Variants in MS4A8 observed in about 807,000 individuals in gnomAD.
The protein encoded by MS4A8 is membrane spanning 4-domains A8, also known as membrane-spanning 4-domains subfamily A member 8.
MS4A8 carries 27 observed loss-of-function variants against 23.7 expected under a neutral mutation model. The ratio of observed to expected loss-of-function variants is 1.14; its 90% confidence interval spans 0.84 to 1.57. The LOEUF (loss-of-function observed/expected upper bound fraction) is 1.57. MS4A8 is among the 40% of genes most tolerant of loss of function. MS4A8 has a pLI of 0.00. For synonymous variants in MS4A8, 138 were observed against 126.3 expected (o/e 1.09, Z -0.62); for missense variants, 301 against 311.4 (o/e 0.97, Z 0.25).
At chr11:60,709,432 T>G (rs1402188543) in intron 5 of MS4A8, among the ~76,000 whole-genome samples, 1 of 152,240 alleles carries the variant, frequency 6.6e-6, no homozygotes, top group South Asian at 2.1e-4. Context: ...ATTTTAATAA[T>G]CTATTTTATT....
intron 4 of MS4A8, among the ~76,000 whole-genome samples, chr11:60,707,812 C>CTTTTTTTTTTTTT (rs5792195): frequency 9.1e-4 from 50 of 55,168 alleles, no homozygotes; most frequent in Non-Finnish European, 9.6e-4. Flanking sequence ...TTTTCTTTTT[C>CTTTTTTTTTTTTT]TTTTTTTTTT....
intron 6 of MS4A8, 68 bp from the exon 7 acceptor site, chr11:60,715,242 G>C (rs1016414599): frequency 2.6e-6 from 4 of 1,512,896 alleles, no homozygotes; most frequent in Non-Finnish European, 3.7e-6. Flanking sequence ...GTAGTTCCTC[G>C]GTGTCCGAGG....
chr11:60,713,505 C>G (rs1252295334), intron 5 of MS4A8, among the ~76,000 whole-genome samples: 1 of 152,174 alleles, frequency 6.6e-6, no homozygotes, highest in African/African-American at 2.4e-5. Flanking sequence ...ATAAACATCT[C>G]AATGCCTTAA....
At chr11:60,713,205 T>C (rs2088314104) in intron 5 of MS4A8, among the ~76,000 whole-genome samples, 1 of 152,098 alleles carries the variant, frequency 6.6e-6, no homozygotes. Flanking sequence ...GGGTTGCCCC[T>C]TCACACCTGT....
chr11:60,706,949 C>A (rs773841110), intron 3 of MS4A8, 39 bp from the exon 4 acceptor site: 1 of 1,588,950 alleles, frequency 6.3e-7, no homozygotes, highest in Non-Finnish European at 8.6e-7. Context: ...GGCACCCTAG[C>A]CCCTGACCTC....
chr11:60,707,161 A>G, intron 4 of MS4A8, 114 bp downstream of exon 4: 2 of 968,172 alleles, frequency 2.1e-6, no homozygotes, highest in East Asian at 2.4e-5. Flanking sequence ...TACTATAACC[A>G]GACACACGGT....
intron 5 of MS4A8, 75 bp from the exon 6 acceptor site, chr11:60,714,946 G>A (rs2088330041): frequency 1.9e-6 from 2 of 1,026,602 alleles, no homozygotes; most frequent in Non-Finnish European, 3.1e-6. Flanking sequence ...AAGAGTCCAT[G>A]GCAGGGCCCC....
chr11:60,704,812 C>CCACACA (rs759471971), intron 3 of MS4A8, among the ~76,000 whole-genome samples: 2 of 139,036 alleles, frequency 1.4e-5, no homozygotes, highest in African/African-American at 5.7e-5. Flanking sequence ...GTCCCCCTGC[C>CCACACA]CACACACACA....
At chr11:60,714,767 C>T (rs76278249) in intron 5 of MS4A8, among the ~76,000 whole-genome samples, 6,975 of 152,196 alleles carry the variant, frequency 0.046, 505 homozygotes, top group African/African-American at 0.16. Flanking sequence ...CCAAAGCAAC[C>T]TATCAAGGGG....
At chr11:60,706,040 T>C (rs112671101) in intron 3 of MS4A8, among the ~76,000 whole-genome samples, 6,043 of 152,278 alleles carry the variant, frequency 0.04, 356 homozygotes, top group African/African-American at 0.14. Flanking sequence ...AGTCGGTACG[T>C]GGCTTCTTTT....
At position 60,715,804 on chromosome 11, in the gene MS4A8, G is replaced by A; in HGVS notation, c.*390G>A. On this transcript the variant is annotated 3_prime_UTR_variant, in exon 7 of 7. Coordinates refer to ENST00000300226, the MANE Select transcript of MS4A8 (RefSeq NM_031457.2). ...CATTCATTTAATAAATAGATACTGA[G>A]CATTCAATGTGTTCAAGGCTCTCTT... is the stretch of plus-strand genomic sequence containing the variant. 4.0e-6 allele frequency: 1 copy of A among 252,606 alleles called. No individual in the cohort carries two copies. Among genetic ancestry groups the A allele is most frequent in the Non-Finnish European group, 7.7e-6 (1 of 129,704 alleles). 15.6% of individuals were successfully genotyped at this position (252,606 alleles called of 1,614,324 possible).
At chr11:60,702,124 C>A (rs954187320) in intron 2 of MS4A8, among the ~76,000 whole-genome samples, 1 of 152,090 alleles carries the variant, frequency 6.6e-6, no homozygotes, top group Non-Finnish European at 1.5e-5. Context: ...CCCAGTGTAC[C>A]CATCGTAAAT....
chr11:60,715,273 C>G (rs1338260450), intron 6 of MS4A8, 37 bp from the exon 7 acceptor site: 7 of 1,587,446 alleles, frequency 4.4e-6, no homozygotes, highest in Non-Finnish European at 6.1e-6. Flanking sequence ...ATGGCCCGTC[C>G]TTCTTAGCAT....
At chr11:60,702,659 A>G (rs533314924) in intron 2 of MS4A8, among the ~76,000 whole-genome samples, 6 of 152,306 alleles carry the variant, frequency 3.9e-5, no homozygotes, top group African/African-American at 1.4e-4. Flanking sequence ...TCAGCTTCCC[A>G]AAGTGCTGAG....
At chr11:60,708,403 T>C (rs753826238) in intron 4 of MS4A8, among the ~76,000 whole-genome samples, 1 of 152,184 alleles carries the variant, frequency 6.6e-6, no homozygotes, top group Admixed American at 6.5e-5. Context: ...GGGATTCACA[T>C]TAAGAAACAC....
intron 3 of MS4A8, among the ~76,000 whole-genome samples, chr11:60,706,785 C>T (rs140475906): frequency 1.2e-4 from 19 of 152,248 alleles, no homozygotes; most frequent in African/African-American, 4.6e-4. Context: ...AATTTAAAAC[C>T]AGGTTTGCTG....
At chr11:60,704,610 C>A (rs2088237938) in intron 3 of MS4A8, among the ~76,000 whole-genome samples, 2 of 152,140 alleles carry the variant, frequency 1.3e-5, no homozygotes, top group Admixed American at 6.5e-5. Context: ...ACTGGGGACT[C>A]AATCTAGATC....
At position 60,700,960 on chromosome 11, in the gene MS4A8, C is replaced by T. The variant is rs145052992; in HGVS notation, c.100C>T (p.Pro34Ser). 1 of 1,614,090 alleles carries T rather than the reference C, an allele frequency of 6.2e-7. No individual in the cohort carries two copies. The highest frequency in any genetic ancestry group is 1.3e-5 in the African/African-American group (1 of 74,926). The change falls in exon 2 of 7, where the codon CCC (proline) becomes TCC (serine). Residue 34 changes from proline to serine, a missense_variant. Pro to Ser is a moderately conservative substitution (Grantham distance 74, BLOSUM62 -1). Coordinates refer to ENST00000300226, the MANE Select transcript of MS4A8 (RefSeq NM_031457.2). The stretch of plus-strand genomic sequence containing the variant: ...GACCCCAGGAATTATGTCTCACGTG[C>T]CCCTGTATCCAAACAGCCAGCCGCA... The part of the protein sequence containing the change: ...PVTPGIMSHV[P>S]LYPNSQPQVH...
At chr11:60,704,376 C>T (rs1469946647) in intron 3 of MS4A8, among the ~76,000 whole-genome samples, 2 of 152,158 alleles carry the variant, frequency 1.3e-5, no homozygotes, top group Admixed American at 1.3e-4. Context: ...TTGCCTCAGC[C>T]TCCCAAAGTG....
Sources: allele counts gnomAD v4.1 joint callset (sites outside exome capture counted in the v4.1 genomes callset), GRCh38; gene constraint gnomAD v4.1.1; transcripts MANE v1.5; gene names NCBI Gene and HGNC (gene_info 2026-07-23, HGNC 2026-07-21).